The following VPS53 variants were observed in gnomAD, a reference collection of about 807,000 sequenced individuals.
VPS53 encodes the protein vacuolar protein sorting-associated protein 53 homolog.
In VPS53, 70 loss-of-function variants were observed where a neutral mutation model predicts 107.0. The observed-to-expected ratio is 0.65, with a 90% CI of 0.54 to 0.80. VPS53 has a LOEUF of 0.80. Ranked by LOEUF, VPS53 falls within the 30% of genes least tolerant of loss-of-function variation. The probability of loss-of-function intolerance (pLI) is 0.00; values close to 1 mark genes in which losing one functional copy is unlikely to be tolerated. For missense variants in VPS53, 917 were observed against 1,049.4 expected, an observed-to-expected ratio of 0.87 and a Z score of 1.74; for synonymous variants, 409 against 393.3, an observed-to-expected ratio of 1.04 and a Z score of -0.47.
At chr17:701,793 C>G (rs574748937) in intron 2 of VPS53, among the ~76,000 whole-genome samples, 1 of 152,278 alleles carries the variant, frequency 6.6e-6, no homozygotes, top group South Asian at 2.1e-4. Context: ...GTGGTGCAAT[C>G]ATAGCTCACT....
At chr17:664,279 C>T (rs189915559) in intron 4 of VPS53, among the ~76,000 whole-genome samples, 13 of 152,134 alleles carry the variant, frequency 8.5e-5, no homozygotes, top group African/African-American at 3.1e-4. Flanking sequence ...GGGGTTTCAC[C>T]GTGTTGGCCA....
At chr17:530,119 C>T (rs977155820) in intron 19 of VPS53, among the ~76,000 whole-genome samples, 3 of 150,604 alleles carry the variant, frequency 2.0e-5, no homozygotes, top group African/African-American at 7.3e-5. Context: ...TCCTTATAGC[C>T]AGCAACCTTG....
chr17:687,867 C>G (rs1430957841), intron 4 of VPS53, among the ~76,000 whole-genome samples: 1 of 152,200 alleles, frequency 6.6e-6, no homozygotes, highest in African/African-American at 2.4e-5. Flanking sequence ...CAAGGTCACA[C>G]AGATAACAGC....
At chr17:602,014 A>T in intron 11 of VPS53, 118 bp from the exon 12 acceptor site, 1 of 669,832 alleles carries the variant, frequency 1.5e-6, no homozygotes, top group Non-Finnish European at 2.3e-6. Flanking sequence ...TCTGATAAAG[A>T]AGAACTGAGG....
chr17:575,400 C>A (rs975688144), intron 13 of VPS53, among the ~76,000 whole-genome samples: 1 of 152,136 alleles, frequency 6.6e-6, no homozygotes, highest in Non-Finnish European at 1.5e-5. Context: ...GACCTAAATG[C>A]GTAAATGCAA....
chr17:621,005 C>T (rs1267331684), intron 11 of VPS53, among the ~76,000 whole-genome samples: 1 of 152,104 alleles, frequency 6.6e-6, no homozygotes, highest in Admixed American at 6.5e-5. Context: ...TGTTAAAGTA[C>T]ACACAAAGTA....
rs1391168529 is a variant in VPS53, at chr17:632,772, C to A, written c.609-1144G>T. On this transcript the variant is annotated intron_variant, in intron 7 of 21. Transcript: ENST00000437048. ...AGTGAGAACATGAGGAATCTGTCTTCCCGTGTCTGGCTTATTTCATTTCAC... is the reference window on the plus strand; with the variant it reads ...AGTGAGAACATGAGGAATCTGTCTTACCGTGTCTGGCTTATTTCATTTCAC... 3 of 456,370 alleles carry A rather than the reference C, an allele frequency of 6.6e-6. No homozygotes were observed. In the Admixed American group the frequency reaches 7.0e-5, roughly 11 times the overall value. The allele number at this position is 456,370 out of a possible 1,614,324, so 28.3% of individuals were successfully genotyped here.
chr17:612,591 G>A (rs1314305207), intron 11 of VPS53, among the ~76,000 whole-genome samples: 2 of 150,428 alleles, frequency 1.3e-5, no homozygotes, highest in Admixed American at 6.6e-5. Context: ...ATCAAATAGT[G>A]AATTCACACA....
At chr17:687,986 A>G (rs1972652396) in intron 4 of VPS53, among the ~76,000 whole-genome samples, 1 of 152,216 alleles carries the variant, frequency 6.6e-6, no homozygotes, top group Admixed American at 6.5e-5. Context: ...GAGAATTGAA[A>G]TAAAATGCCC....
intron 7 of VPS53, among the ~76,000 whole-genome samples, chr17:636,313 T>G (rs533623459): frequency 2.2e-4 from 33 of 152,378 alleles, no homozygotes; most frequent in Admixed American, 2.2e-3. Flanking sequence ...AAGGAGATTT[T>G]GGGCTGAAAC....
At chr17:669,519 G>A (rs1971845099) in intron 4 of VPS53, among the ~76,000 whole-genome samples, 1 of 151,378 alleles carries the variant, frequency 6.6e-6, no homozygotes, top group African/African-American at 2.4e-5. Flanking sequence ...CTTGAGCCCA[G>A]GAGGCGGAGG....
At chr17:645,108 A>C (rs1030128478) in intron 7 of VPS53, among the ~76,000 whole-genome samples, 8 of 152,326 alleles carry the variant, frequency 5.3e-5, no homozygotes, top group Middle Eastern at 3.4e-3. Flanking sequence ...TCAAATTTTT[A>C]AAACTACCTC....
chr17:620,244 G>A (rs1471125688), intron 11 of VPS53, among the ~76,000 whole-genome samples: 1 of 152,196 alleles, frequency 6.6e-6, no homozygotes, highest in Non-Finnish European at 1.5e-5. Context: ...TGCCACCACC[G>A]CTCTGCAGTC....
At chr17:673,230 C>T (rs964676186) in intron 4 of VPS53, among the ~76,000 whole-genome samples, 1 of 152,078 alleles carries the variant, frequency 6.6e-6, no homozygotes, top group South Asian at 2.1e-4. Flanking sequence ...AAGCCCTACA[C>T]GGAAGCCCTC....
Position 643,208 on chromosome 17 carries a change from C to T in VPS53, c.608+10083G>A, listed in dbSNP as rs1387760057. Among the ~76,000 whole-genome samples the T allele has an allele frequency of 1.7e-3, 34 of 20,318 alleles. 2 individuals carry two copies. The highest frequency in any genetic ancestry group is 0.01 in the African/African-American group (33 of 3,196). The allele number at this position is 20,318 out of a possible 152,430, so 13.3% of individuals were successfully genotyped here. A position where few individuals can be genotyped will look rare whatever the true frequency, so the allele number is the denominator to read the frequency against. The stretch of plus-strand genomic sequence containing the variant: ...CGAGGACAACACTCATACTTGGCAA[C>T]TGAGGACAACACTCATACTTGGAAA... On this transcript the variant is annotated intron_variant, in intron 7 of 21. Transcript: ENST00000437048.
At chr17:604,993 G>A (rs1968498328) in intron 11 of VPS53, among the ~76,000 whole-genome samples, 1 of 152,208 alleles carries the variant, frequency 6.6e-6, no homozygotes, top group South Asian at 2.1e-4. Context: ...CAAACAGTGA[G>A]AAGGGCCAGG....
intron 4 of VPS53, among the ~76,000 whole-genome samples, chr17:683,761 G>A (rs868309165): frequency 2.6e-5 from 4 of 152,234 alleles, no homozygotes; most frequent in Admixed American, 6.5e-5. Context: ...CTACTCAGGA[G>A]GCTGAGGCAG....
intron 12 of VPS53, among the ~76,000 whole-genome samples, chr17:597,874 T>G (rs1968052893): frequency 1.3e-5 from 2 of 152,064 alleles, no homozygotes; most frequent in South Asian, 4.2e-4. Context: ...CCGGCCATTT[T>G]TTTTTTAAAT....
Position 562,547 on chromosome 17 carries a change from G to C in VPS53, c.1512C>G (p.Tyr504Ter). The change falls in exon 14 of 22, where the codon TAC becomes TAG. Residue 504 changes from tyrosine to a stop codon, truncating the protein, a stop_gained. Transcript: ENST00000437048. LOFTEE classifies it high-confidence loss of function. ...MIALTTIFQK[Y>*]LREYAWKILS... ...GGATTTTCCAGGCGTATTCTCGGAG[G>C]TACTTCTGGAAAATGGTGGTCAGGG... The C allele has an allele frequency of 6.2e-7, 1 of 1,614,066 alleles. No homozygotes were observed. The highest frequency in any genetic ancestry group is 8.5e-7 in the Non-Finnish European group (1 of 1,180,016).
Sources: allele counts gnomAD v4.1 joint callset (sites outside exome capture counted in the v4.1 genomes callset), GRCh38; gene constraint gnomAD v4.1.1; transcripts MANE v1.5; gene names NCBI Gene and HGNC (gene_info 2026-07-23, HGNC 2026-07-21).